The following ABCB8 variants were observed in gnomAD, a reference collection of about 807,000 sequenced individuals.
The protein encoded by ABCB8 is mitochondrial potassium channel ATP-binding subunit.
A neutral mutation model predicts 73.0 loss-of-function variants in ABCB8; 52 were observed. That is an observed-to-expected ratio of 0.71 (90% CI 0.57 to 0.90). ABCB8 has a LOEUF of 0.90. Among genes scored for constraint, ABCB8 ranks in the 40% least tolerant of loss-of-function variants. ABCB8 has a pLI of 0.00. For synonymous variants in ABCB8, 428 were observed against 423.5 expected, an observed-to-expected ratio of 1.01 and a Z score of -0.13; for missense variants, 909 against 974.6, an observed-to-expected ratio of 0.93 and a Z score of 0.90.
intron 13 of ABCB8, 48 bp downstream of exon 13, chr7:151,041,280 C>T (rs758101912): frequency 1.3e-6 from 2 of 1,556,408 alleles, no homozygotes; most frequent in African/African-American, 2.7e-5. Context: ...CCGTCCTCCC[C>T]TGGGCCCTGC....
intron 9 of ABCB8, 152 bp downstream of exon 9, chr7:151,036,801 A>G: frequency 2.6e-6 from 2 of 782,864 alleles, no homozygotes; most frequent in South Asian, 1.4e-5. Context: ...TAGGGTGGGG[A>G]GAGAGAGCCC....
intron 1 of ABCB8, chr7:151,033,233 C>T (rs1214015568): frequency 2.4e-5 from 10 of 417,818 alleles, no homozygotes; most frequent in East Asian, 6.2e-5. Context: ...CTTAAACCCC[C>T]GGCCCCTTCC....
rs936558256 is a variant in ABCB8, at chr7:151,037,520, A to G, written c.1217+871A>G. On this transcript the variant is annotated intron_variant, in intron 9 of 15. Transcript: ENST00000358849. ...CCCCCCTCCTATCTCTTTCCAAGCT[A>G]AACACAAGCAGTTCTACATAAATAT... 2.0e-5 allele frequency: 12 copies of G among 595,110 alleles called. 1 individual carries two copies. The Admixed American group carries it at 3.2e-4, about 16-fold the overall frequency. The allele number at this position is 595,110 out of a possible 1,614,324, so 36.9% of individuals were successfully genotyped here.
chr7:151,044,211 G>A lies in ABCB8; in HGVS notation c.2006G>A (p.Arg669His), dbSNP rs546942647. The change falls in exon 15 of 16, where the codon CGT (arginine) becomes CAT (histidine). Residue 669 changes from arginine (R) to histidine (H), a missense_variant. Physicochemically the swap from Arg to His is conservative, Grantham distance 29. Transcript: ENST00000358849. ...AHCIVVMADG[R>H]VWEAGTHEEL... ...TGCATTGTCGTCATGGCCGATGGCC[G>A]TGTCTGGGAGGTTAGTTGTCCTGGG... The A allele has an allele frequency of 6.3e-5, 100 of 1,598,988 alleles. No homozygotes were observed. The highest frequency in any genetic ancestry group is 1.7e-4 in the Middle Eastern group (1 of 6,024).
chr7:151,040,416 C>T, intron 10 of ABCB8, 82 bp from the exon 11 acceptor site: 1 of 1,580,846 alleles, frequency 6.3e-7, no homozygotes. Flanking sequence ...GAGACCCCAG[C>T]CCAGAGCCAT....
rs770691842 is a variant in ABCB8 at position 151,045,264 on chromosome 7, G to A, written c.2072G>A (p.Arg691Gln). The A allele has an allele frequency of 1.4e-5, 23 of 1,604,678 alleles. No individual in the cohort carries two copies. Among genetic ancestry groups the A allele is most frequent in the Middle Eastern group, 1.7e-4 (1 of 6,054 alleles). The change falls in exon 16 of 16, where the codon CGG becomes CAG. Residue 691 changes from arginine (R) to glutamine (Q), a missense_variant. Arg to Gln is a conservative substitution (Grantham distance 43, BLOSUM62 1). Coordinates refer to ENST00000358849, the MANE Select transcript of ABCB8 (RefSeq NM_007188.5). ...KKGGLYAELI[R>Q]RQALDAPRTA... Reference sequence around the variant, plus strand: ...GGCGGGCTATACGCCGAGCTCATCCGGAGGCAGGCCCTGGATGCCCCGAGG... The same window carrying A: ...GGCGGGCTATACGCCGAGCTCATCCAGAGGCAGGCCCTGGATGCCCCGAGG...
At position 151,045,274 on chromosome 7, in the gene ABCB8, C is replaced by T. The variant is rs1049339893; in HGVS notation, c.2082C>T (p.Ala694=). The change falls in exon 16 of 16, where the codon GCC becomes GCT. Residue 694 remains alanine, a synonymous_variant. Coordinates refer to ENST00000358849, the MANE Select transcript of ABCB8 (RefSeq NM_007188.5). ...ACGCCGAGCTCATCCGGAGGCAGGC[C>T]CTGGATGCCCCGAGGACAGCGGCCC... ...GLYAELIRRQ[A]LDAPRTAAPP... The T allele has an allele frequency of 6.2e-7, 1 of 1,605,036 alleles. No individual in the cohort carries two copies. Among genetic ancestry groups the T allele is most frequent in the Non-Finnish European group, 8.5e-7 (1 of 1,175,494 alleles).
intron 1 of ABCB8, among the ~76,000 whole-genome samples, chr7:151,030,541 G>A (rs188980206): frequency 8.0e-6 from 1 of 125,516 alleles, no homozygotes; most frequent in Non-Finnish European, 1.7e-5. Flanking sequence ...ATGTAGGCCA[G>A]GCACAGTGGC....
chr7:151,039,381 C>G (rs1358746358), intron 9 of ABCB8: 1 of 152,468 alleles, frequency 6.6e-6, no homozygotes, highest in African/African-American at 2.4e-5. Flanking sequence ...CACCCCCACC[C>G]TAGTGCTGGA....
chr7:151,040,322 A>G (rs1315041963), intron 10 of ABCB8, 21 bp downstream of exon 10: 1 of 1,612,284 alleles, frequency 6.2e-7, no homozygotes, highest in East Asian at 2.2e-5. Flanking sequence ...GGTAGGGTGG[A>G]GGGCCTGGGG....
chr7:151,036,124 C>T lies in ABCB8; in HGVS notation c.1065C>T (p.Gly355=), dbSNP rs1376956889. ...EACRCRAEEL[G]RGIALFQGLS... is the part of the protein sequence containing the mutation. ...GCCGCTGCCGGGCAGAGGAGCTGGG[C>T]CGCGGCATCGCCTTGTTCCAAGGGC... The change falls in exon 8 of 16, where the codon GGC becomes GGT. Residue 355 remains glycine (G), a synonymous_variant. Coordinates refer to ENST00000358849, the MANE Select transcript of ABCB8 (RefSeq NM_007188.5). 1.2e-6 allele frequency: 2 copies of T among 1,613,488 alleles called. No homozygotes were observed. Among genetic ancestry groups the T allele is most frequent in the Non-Finnish European group, 1.7e-6 (2 of 1,179,978 alleles).
chr7:151,039,708 T>G (rs1194658775), intron 9 of ABCB8: 2 of 152,460 alleles, frequency 1.3e-5, no homozygotes, highest in Non-Finnish European at 2.9e-5. Context: ...TTCTGTTTTC[T>G]TCTTTCTCCA....
At chr7:151,036,423 A>G (rs1378346482) in intron 8 of ABCB8, 121 bp from the exon 9 acceptor site, 26 of 1,008,846 alleles carry the variant, frequency 2.6e-5, no homozygotes, top group Non-Finnish European at 2.5e-5. Flanking sequence ...TCCGAGGAGG[A>G]AGCCAACGCT....
At position 151,045,693 on chromosome 7, in the gene ABCB8, C is replaced by G. The variant is rs1584961770; in HGVS notation, c.*344C>G. The G allele has an allele frequency of 4.2e-6, 1 of 236,732 alleles. No individual in the cohort carries two copies. The highest frequency in any genetic ancestry group is 8.1e-5 in the East Asian group (1 of 12,324). The allele number at this position is 236,732 out of a possible 1,614,324, so 14.7% of individuals were successfully genotyped here. A position where few individuals can be genotyped will look rare whatever the true frequency, so the allele number is the denominator to read the frequency against. Reference sequence around the variant, plus strand: ...AGACGTTCTGGCCAGTCTCCCTGCCCCACCCAGCAGCTTCAAATTGGCCAG... The same window carrying G: ...AGACGTTCTGGCCAGTCTCCCTGCCGCACCCAGCAGCTTCAAATTGGCCAG... On this transcript the variant is annotated 3_prime_UTR_variant, in exon 16 of 16. Coordinates refer to ENST00000358849, the MANE Select transcript of ABCB8 (RefSeq NM_007188.5).
intron 1 of ABCB8, 101 bp downstream of exon 1, chr7:151,028,711 T>C: frequency 6.4e-7 from 1 of 1,553,256 alleles, no homozygotes; most frequent in South Asian, 1.2e-5. Context: ...CGAGGCTTGC[T>C]GGGAGCTGTA....
chr7:151,031,289 A>G, intron 1 of ABCB8: 1 of 1,552,304 alleles, frequency 6.4e-7, no homozygotes, highest in African/African-American at 1.4e-5. Flanking sequence ...AGGCAGAAGG[A>G]GAGTAAGCGT....
chr7:151,041,203 CG>C lies in ABCB8; in HGVS notation c.1592del (p.Gly531AlafsTer86). ...DLRTLDPSWLRGQVVGFISQE... is the reference protein window; with the variant it reads ...DLRTLDPSWLXGQVVGFISQE... ...GCGCACCCTTGACCCCTCCTGGCTC[CG>C]GGGCCAGGTTGTCGGCTTCATCAGC... On this transcript the variant is annotated frameshift_variant, in exon 13 of 16. Transcript: ENST00000358849. LOFTEE classifies it high-confidence loss of function. 6.2e-7 allele frequency: 1 copy of C among 1,605,944 alleles called. No homozygotes were observed.
intron 1 of ABCB8, 52 bp downstream of exon 1, chr7:151,028,662 A>C (rs774155720): frequency 6.3e-7 from 1 of 1,583,462 alleles, no homozygotes; most frequent in Non-Finnish European, 8.6e-7. Context: ...CCGGCAGGGC[A>C]GTGCCGGCCC....
chr7:151,033,391 T>G (rs1796216529), intron 1 of ABCB8: 1 of 1,387,758 alleles, frequency 7.2e-7, no homozygotes, highest in African/African-American at 1.5e-5. Context: ...AAGACTAGAT[T>G]TTGTGCTCAG....
Sources: gnomAD v4.1 joint callset for allele counts (sites outside exome capture counted in the v4.1 genomes callset) on GRCh38, gnomAD v4.1.1 for gene constraint, MANE v1.5 for transcripts, NCBI Gene and HGNC (gene_info 2026-07-23, HGNC 2026-07-21) for gene names.